Variants in GXYLT2 observed in about 807,000 individuals in gnomAD.
GXYLT2 encodes glucoside xylosyltransferase 2, also known as glycosyltransferase 8 domain containing 4.
A neutral mutation model predicts 45.8 loss-of-function variants in GXYLT2; 53 were observed. The observed-to-expected ratio is 1.16, with a 90% CI of 0.93 to 1.46. The LOEUF (loss-of-function observed/expected upper bound fraction) is 1.46, where lower values mean the gene tolerates loss of function less well. GXYLT2 is among the 40% of genes most tolerant of loss of function. The pLI is 0.00. For synonymous variants in GXYLT2, 219 were observed against 214.2 expected (o/e 1.02, Z -0.19); for missense variants, 551 against 544.4 (o/e 1.01, Z -0.12).
chr3:72,900,750 A>T (rs1277079210), intron 1 of GXYLT2, among the ~76,000 whole-genome samples: 1 of 152,130 alleles, frequency 6.6e-6, no homozygotes, highest in Non-Finnish European at 1.5e-5. Flanking sequence ...TACTACCATT[A>T]CCTGCTTTAA....
chr3:72,960,294 T>C (rs1710744703), intron 5 of GXYLT2, among the ~76,000 whole-genome samples: 1 of 152,232 alleles, frequency 6.6e-6, no homozygotes, highest in African/African-American at 2.4e-5. Context: ...CCTGTCCATA[T>C]TCCCAAATTG....
chr3:72,941,509 C>A (rs1278185776), intron 3 of GXYLT2, among the ~76,000 whole-genome samples: 1 of 152,180 alleles, frequency 6.6e-6, no homozygotes, highest in African/African-American at 2.4e-5. Flanking sequence ...CATACTGTTG[C>A]CTGGAGACAA....
chr3:72,906,696 G>A (rs11924081), intron 1 of GXYLT2, among the ~76,000 whole-genome samples: 2,734 of 152,230 alleles, frequency 0.018, 86 homozygotes, highest in African/African-American at 0.062. Context: ...AAGGAAAAGA[G>A]GGCAAAGAAG....
intron 1 of GXYLT2, among the ~76,000 whole-genome samples, chr3:72,905,258 C>T (rs1575779912): frequency 6.6e-6 from 1 of 151,970 alleles, no homozygotes; most frequent in East Asian, 1.9e-4. Context: ...GCTGGGATTA[C>T]AGGCACACGC....
At chr3:72,946,871 C>T (rs984353968) in intron 3 of GXYLT2, among the ~76,000 whole-genome samples, 2 of 152,012 alleles carry the variant, frequency 1.3e-5, no homozygotes, top group African/African-American at 4.8e-5. Flanking sequence ...TTGCCTAGGC[C>T]TCTGTGCAGT....
chr3:72,894,464 G>T (rs780109805), intron 1 of GXYLT2, among the ~76,000 whole-genome samples: 1 of 152,242 alleles, frequency 6.6e-6, no homozygotes, highest in Non-Finnish European at 1.5e-5. Flanking sequence ...CCAGAGGTAG[G>T]TTCCTGAGCA....
intron 3 of GXYLT2, among the ~76,000 whole-genome samples, chr3:72,944,192 A>T (rs572169063): frequency 1.3e-5 from 2 of 151,148 alleles, no homozygotes; most frequent in South Asian, 4.2e-4. Context: ...GGTTCAAGCA[A>T]TCCTCCTGCC....
chr3:72,903,575 A>G (rs755476446), intron 1 of GXYLT2, among the ~76,000 whole-genome samples: 1 of 152,154 alleles, frequency 6.6e-6, no homozygotes, highest in African/African-American at 2.4e-5. Flanking sequence ...AATCTCTGTG[A>G]GTTGGGAGTC....
intron 5 of GXYLT2, among the ~76,000 whole-genome samples, chr3:72,958,629 C>CTTTT (rs760548760): frequency 2.8e-5 from 3 of 108,712 alleles, no homozygotes; most frequent in Non-Finnish European, 3.7e-5. Context: ...TCACTTGTGG[C>CTTTT]TTTTTTTTTT....
intron 3 of GXYLT2, among the ~76,000 whole-genome samples, chr3:72,932,969 C>T (rs1428967801): frequency 6.6e-6 from 1 of 152,198 alleles, no homozygotes; most frequent in Non-Finnish European, 1.5e-5. Flanking sequence ...TTCAACTTTC[C>T]TTGCCTCCAT....
intron 3 of GXYLT2, among the ~76,000 whole-genome samples, chr3:72,949,474 G>C (rs1323946970): frequency 6.7e-6 from 1 of 149,596 alleles, no homozygotes; most frequent in East Asian, 2.0e-4. Context: ...TGTGAACAGG[G>C]AATATGTATC....
intron 5 of GXYLT2, among the ~76,000 whole-genome samples, chr3:72,959,915 A>G (rs991424438): frequency 1.3e-5 from 2 of 151,512 alleles, no homozygotes; most frequent in African/African-American, 4.9e-5. Flanking sequence ...GATTACAGGC[A>G]TGAGCCACCA....
intron 6 of GXYLT2, among the ~76,000 whole-genome samples, chr3:72,971,805 C>T (rs887982805): frequency 2.0e-5 from 3 of 151,580 alleles, no homozygotes; most frequent in Non-Finnish European, 4.4e-5. Flanking sequence ...GAAAATTAGC[C>T]GGGCGTGGTG....
Position 72,908,359 on chromosome 3 carries a change from CT to C in GXYLT2, c.276-5del. On this transcript the variant is annotated splice_polypyrimidine_tract_variant and splice_region_variant and intron_variant, in intron 1 of 6. Transcript: ENST00000389617. Reference sequence around the variant, plus strand: ...GTAATAGCTTTCACTTGTTTTCCCTCTTTCTAGGAGGCCTGGAGAACCCAGG... The same window carrying C: ...GTAATAGCTTTCACTTGTTTTCCCTCTTCTAGGAGGCCTGGAGAACCCAGG... 1 of 1,570,764 alleles carries C rather than the reference CT, an allele frequency of 6.4e-7. No homozygotes were observed. The highest frequency in any genetic ancestry group is 1.4e-5 in the African/African-American group (1 of 72,582).
intron 3 of GXYLT2, among the ~76,000 whole-genome samples, chr3:72,924,478 G>A (rs1219519590): frequency 2.6e-5 from 4 of 152,116 alleles, no homozygotes; most frequent in Non-Finnish European, 5.9e-5. Context: ...TGCTGGAATT[G>A]CAGATGAGAG....
chr3:72,942,279 C>T (rs1351870535), intron 3 of GXYLT2, among the ~76,000 whole-genome samples: 1 of 151,760 alleles, frequency 6.6e-6, no homozygotes, highest in East Asian at 1.9e-4. Context: ...AAAATAAATA[C>T]ATAACTGAAT....
intron 5 of GXYLT2, among the ~76,000 whole-genome samples, chr3:72,965,258 C>T (rs1171631750): frequency 6.6e-6 from 1 of 152,202 alleles, no homozygotes; most frequent in African/African-American, 2.4e-5. Context: ...AAAACATACA[C>T]AGCCTGCCAG....
rs769057585 is a variant in GXYLT2, at chr3:72,967,550, G to A, written c.980G>A (p.Cys327Tyr). Residue 327 changes from cysteine (C) to tyrosine (Y), a missense_variant, in exon 6 of 7, where the codon TGT becomes TAT. Transcript: ENST00000389617. Reference sequence around the variant, plus strand: ...GTCTTTCTCTTTTTACCACCAGAGTGTCTCTATGTATTCCCCTGCCAGTGG... The same window carrying A: ...GTCTTTCTCTTTTTACCACCAGAGTATCTCTATGTATTCCCCTGCCAGTGG... ...LNIIFYFNPECLYVFPCQWNY... is the reference protein window; with the variant it reads ...LNIIFYFNPEYLYVFPCQWNY... The A allele has an allele frequency of 4.3e-6, 7 of 1,613,098 alleles. 1 individual carries two copies. In the South Asian group the frequency reaches 7.7e-5, roughly 18 times the overall value.
At chr3:72,889,933 T>C (rs1709151949) in intron 1 of GXYLT2, among the ~76,000 whole-genome samples, 1 of 141,150 alleles carries the variant, frequency 7.1e-6, no homozygotes, top group Non-Finnish European at 1.5e-5. Context: ...TGTGACAAAG[T>C]CTTCCTCTGT....
Sources: allele counts gnomAD v4.1 joint callset (sites outside exome capture counted in the v4.1 genomes callset), GRCh38; gene constraint gnomAD v4.1.1; transcripts MANE v1.5; gene names NCBI Gene and HGNC (gene_info 2026-07-23, HGNC 2026-07-21).